FOXP2: variants seen among roughly 807,000 people sequenced by gnomAD.
FOXP2 encodes forkhead box P2.
In FOXP2, 12 loss-of-function variants were observed where a neutral mutation model predicts 115.8. That is an observed-to-expected ratio of 0.10 (90% CI 0.07 to 0.17). The LOEUF (loss-of-function observed/expected upper bound fraction) is 0.17. Among genes scored for constraint, FOXP2 ranks in the 10% least tolerant of loss-of-function variants. The probability of loss-of-function intolerance (pLI) is 1.00; values close to 1 mark genes in which losing one functional copy is unlikely to be tolerated. For synonymous variants in FOXP2, 328 were observed against 297.7 expected (o/e 1.10, Z -1.05); for missense variants, 629 against 843.5 (o/e 0.75, Z 3.15).
Position 114,620,479 on chromosome 7 carries a change from A to G in FOXP2, c.259-8061A>G, listed in dbSNP as rs148444126. Among the ~76,000 whole-genome samples, 752 of 152,186 alleles carry G rather than the reference A, an allele frequency of 4.9e-3. 2 individuals are homozygous for G. Among genetic ancestry groups the G allele is most frequent in the Non-Finnish European group, 7.7e-3 (526 of 67,932 alleles). ...ATTTACTGCATGTCATGCTATGAAGAGCCTGACCTAATGGACTTTACATTA... is the reference window on the plus strand; with the variant it reads ...ATTTACTGCATGTCATGCTATGAAGGGCCTGACCTAATGGACTTTACATTA... On this transcript the variant is annotated intron_variant, in intron 3 of 16. Transcript: ENST00000350908.
At chr7:114,568,813 T>C (rs1801149168) in intron 3 of FOXP2, among the ~76,000 whole-genome samples, 1 of 151,926 alleles carries the variant, frequency 6.6e-6, no homozygotes, top group Non-Finnish European at 1.5e-5. Flanking sequence ...ATTACTGTAC[T>C]TGTACATTAT....
At position 114,689,943 on chromosome 7, in the gene FOXP2, C is replaced by T. The variant is rs771799673; in HGVS notation, c.*17C>T. 5.6e-6 allele frequency: 9 copies of T among 1,612,220 alleles called. No individual in the cohort carries two copies. The highest frequency in any genetic ancestry group is 1.1e-5 in the South Asian group (1 of 91,066). ...CTGGAATGAGAACTGACTTGTGAAA[C>T]CTCAGCGTGAAGGGACATATCACTG... On this transcript the variant is annotated 3_prime_UTR_variant, in exon 17 of 17. Coordinates refer to ENST00000350908, the MANE Select transcript of FOXP2 (RefSeq NM_014491.4).
chr7:114,138,915 C>T (rs987491124), intron 1 of FOXP2, among the ~76,000 whole-genome samples: 2 of 152,088 alleles, frequency 1.3e-5, no homozygotes, highest in Non-Finnish European at 1.5e-5. Context: ...TAAGGAAATA[C>T]GAACAAAGTG....
chr7:114,538,775 A>T (rs144902541), intron 3 of FOXP2, among the ~76,000 whole-genome samples: 1 of 151,794 alleles, frequency 6.6e-6, no homozygotes, highest in African/African-American at 2.4e-5. Context: ...TAGCTTATGA[A>T]GTAAGGATTA....
intron 3 of FOXP2, among the ~76,000 whole-genome samples, chr7:114,624,917 C>T (rs377153507): frequency 6.6e-6 from 1 of 150,800 alleles, no homozygotes; most frequent in Non-Finnish European, 1.5e-5. Flanking sequence ...AGGATAATAC[C>T]TAAATTTTTT....
chr7:114,375,365 T>G (rs1792114309), intron 2 of FOXP2, among the ~76,000 whole-genome samples: 1 of 152,200 alleles, frequency 6.6e-6, no homozygotes, highest in Non-Finnish European at 1.5e-5. Context: ...AGTCCTTGTT[T>G]AGCCACTTAC....
chr7:114,674,695 C>T (rs1807667793), intron 16 of FOXP2, among the ~76,000 whole-genome samples: 1 of 151,918 alleles, frequency 6.6e-6, no homozygotes, highest in Non-Finnish European at 1.5e-5. Flanking sequence ...TTTTTCATTT[C>T]TAGTAGTTTT....
At chr7:114,357,111 C>T (rs996126019) in intron 2 of FOXP2, among the ~76,000 whole-genome samples, 3 of 151,980 alleles carry the variant, frequency 2.0e-5, no homozygotes, top group Admixed American at 2.0e-4. Context: ...TAAGTAAATG[C>T]CATCAGAATT....
At chr7:114,629,124 T>C (rs1804752921) in intron 4 of FOXP2, 1 of 189,612 alleles carries the variant, frequency 5.3e-6, no homozygotes, top group Non-Finnish European at 1.1e-5. Context: ...CTTTTCATAG[T>C]ATACTCATCG....
chr7:114,436,368 A>C (rs747931877), intron 2 of FOXP2, among the ~76,000 whole-genome samples: 2 of 151,150 alleles, frequency 1.3e-5, no homozygotes, highest in Non-Finnish European at 2.9e-5. Context: ...ATTGGTGTCT[A>C]TTCCCCGCTA....
chr7:114,144,218 C>A (rs543208183), intron 1 of FOXP2, among the ~76,000 whole-genome samples: 5 of 152,240 alleles, frequency 3.3e-5, no homozygotes, highest in Non-Finnish European at 5.9e-5. Context: ...AGGATGTAAA[C>A]CCATTGTAGG....
chr7:114,426,763 G>T (rs939403751), intron 2 of FOXP2, 84 bp downstream of exon 2: 1 of 1,390,086 alleles, frequency 7.2e-7, no homozygotes, highest in Admixed American at 1.9e-5. Flanking sequence ...AGCAAACTGA[G>T]CATGTTGTGT....
chr7:114,619,851 A>G (rs1383575074), intron 3 of FOXP2, among the ~76,000 whole-genome samples: 2 of 152,104 alleles, frequency 1.3e-5, no homozygotes, highest in Non-Finnish European at 2.9e-5. Flanking sequence ...GGCTAGAAAA[A>G]TGATATCACC....
In FOXP2 at chr7:114,534,684, G is replaced by A. The variant is rs1416091793; in HGVS notation, c.236G>A (p.Ser79Asn). Residue 79 changes from serine to asparagine, a missense_variant, in exon 3 of 17, where the codon AGT becomes AAT. Coordinates refer to ENST00000350908, the MANE Select transcript of FOXP2 (RefSeq NM_014491.4). ...QTSGLKSPKS[S>N]DKQRPLQVPV... ...AGTGGATTGAAATCTCCTAAGAGCA[G>A]TGATAAACAGAGACCACTGCAGGTT... The A allele has an allele frequency of 1.2e-6, 2 of 1,611,752 alleles. No homozygotes were observed. Among genetic ancestry groups the A allele is most frequent in the Non-Finnish European group, 1.7e-6 (2 of 1,178,462 alleles).
At chr7:114,365,563 T>G (rs1303871507) in intron 2 of FOXP2, among the ~76,000 whole-genome samples, 1 of 152,092 alleles carries the variant, frequency 6.6e-6, no homozygotes, top group Non-Finnish European at 1.5e-5. Flanking sequence ...CATTGTATGA[T>G]TTTTTTACAC....
intron 2 of FOXP2, among the ~76,000 whole-genome samples, chr7:114,330,983 G>GT (rs1284061165): frequency 6.6e-6 from 1 of 152,164 alleles, no homozygotes; most frequent in African/African-American, 2.4e-5. Flanking sequence ...CTAATTTGTA[G>GT]TTGAAGGAGA....
At chr7:114,330,779 A>T (rs1797689370) in intron 2 of FOXP2, among the ~76,000 whole-genome samples, 1 of 152,108 alleles carries the variant, frequency 6.6e-6, no homozygotes, top group African/African-American at 2.4e-5. Context: ...AAAAACAGTA[A>T]ATCCGACAAT....
At chr7:114,448,078 A>G (rs1794914689) in intron 2 of FOXP2, among the ~76,000 whole-genome samples, 2 of 152,146 alleles carry the variant, frequency 1.3e-5, no homozygotes, top group African/African-American at 4.8e-5. Context: ...TGCAACGTCC[A>G]TATAGTATGT....
intron 1 of FOXP2, among the ~76,000 whole-genome samples, chr7:114,118,453 A>AC (rs923581573): frequency 4.0e-5 from 6 of 148,262 alleles, no homozygotes; most frequent in Admixed American, 6.9e-5. Flanking sequence ...TTTTTTGGAT[A>AC]CCCCCCTTTT....
Sources: allele counts gnomAD v4.1 joint callset (sites outside exome capture counted in the v4.1 genomes callset), GRCh38; gene constraint gnomAD v4.1.1; transcripts MANE v1.5; gene names NCBI Gene and HGNC (gene_info 2026-07-23, HGNC 2026-07-21).